Variants in ARHGAP44 observed in about 807,000 individuals in gnomAD.
ARHGAP44 encodes rho GTPase-activating protein 44.
A neutral mutation model predicts 106.8 loss-of-function variants in ARHGAP44; 43 were observed. That is an observed-to-expected ratio of 0.40 (90% CI 0.32 to 0.52). ARHGAP44 has a LOEUF of 0.52. Ranked by LOEUF, ARHGAP44 falls within the 20% of genes least tolerant of loss-of-function variation. The pLI, the probability that ARHGAP44 is intolerant of heterozygous loss-of-function variation, is 0.48. For synonymous variants in ARHGAP44, 439 were observed against 410.3 expected, an observed-to-expected ratio of 1.07 and a Z score of -0.85; for missense variants, 866 against 1,050.5, an observed-to-expected ratio of 0.82 and a Z score of 2.43.
intron 1 of ARHGAP44, among the ~76,000 whole-genome samples, chr17:12,816,528 A>T (rs2034601946): frequency 6.6e-6 from 1 of 152,220 alleles, no homozygotes; most frequent in Admixed American, 6.5e-5. Flanking sequence ...TTGTTTATGT[A>T]AACTAAAAAA....
At chr17:12,953,725 A>G (rs2039056039) in intron 13 of ARHGAP44, among the ~76,000 whole-genome samples, 1 of 152,210 alleles carries the variant, frequency 6.6e-6, no homozygotes, top group Non-Finnish European at 1.5e-5. Flanking sequence ...ACGTTATGCT[A>G]TGTGAAAGAA....
intron 1 of ARHGAP44, among the ~76,000 whole-genome samples, chr17:12,842,887 C>T (rs1173097811): frequency 6.6e-6 from 1 of 152,164 alleles, no homozygotes; most frequent in African/African-American, 2.4e-5. Context: ...GGGTAACACA[C>T]ATCATCCCTC....
intron 7 of ARHGAP44, 50 bp downstream of exon 7, chr17:12,929,096 A>T (rs766508365): frequency 6.6e-7 from 1 of 1,518,564 alleles, no homozygotes; most frequent in Non-Finnish European, 9.0e-7. Flanking sequence ...GGGAGCCCTC[A>T]GGGATTCCCT....
At chr17:12,953,621 T>C (rs896229134) in intron 13 of ARHGAP44, among the ~76,000 whole-genome samples, 1 of 152,234 alleles carries the variant, frequency 6.6e-6, no homozygotes, top group Non-Finnish European at 1.5e-5. Context: ...AAAAGCCAAA[T>C]GTCCGTCTAC....
chr17:12,812,193 AAACACAC>A (rs2034459638), intron 1 of ARHGAP44, among the ~76,000 whole-genome samples: 2 of 152,208 alleles, frequency 1.3e-5, no homozygotes, highest in Non-Finnish European at 2.9e-5. Flanking sequence ...TAAGATTTAT[AAACACAC>A]TGCTGATATT....
intron 1 of ARHGAP44, among the ~76,000 whole-genome samples, chr17:12,894,474 T>A (rs527421173): frequency 6.6e-6 from 1 of 152,314 alleles, no homozygotes; most frequent in African/African-American, 2.4e-5. Flanking sequence ...AGCCCTCCAC[T>A]TTCTTGTGGA....
intron 1 of ARHGAP44, among the ~76,000 whole-genome samples, chr17:12,803,889 TTACGGCTCTAAGA>T: frequency 6.6e-6 from 1 of 150,824 alleles, no homozygotes; most frequent in Non-Finnish European, 1.5e-5. Context: ...ATATTTGTAT[TTACGGCTCTAAGA>T]AGTTCTGCAG....
chr17:12,850,898 A>T (rs1157749826), intron 1 of ARHGAP44, among the ~76,000 whole-genome samples: 2 of 152,226 alleles, frequency 1.3e-5, no homozygotes, highest in African/African-American at 2.4e-5. Flanking sequence ...ACTGAGTGTC[A>T]TGCATATAAC....
At chr17:12,836,417 G>A (rs1043123874) in intron 1 of ARHGAP44, among the ~76,000 whole-genome samples, 1 of 152,090 alleles carries the variant, frequency 6.6e-6, no homozygotes, top group African/African-American at 2.4e-5. Flanking sequence ...GGAGGCTGAG[G>A]CGGGCGGATC....
chr17:12,898,116 G>A (rs1375136199), intron 3 of ARHGAP44, among the ~76,000 whole-genome samples: 3 of 152,158 alleles, frequency 2.0e-5, no homozygotes, highest in African/African-American at 7.2e-5. Flanking sequence ...AAGCTCTAGG[G>A]TTGGTCAGGA....
intron 10 of ARHGAP44, among the ~76,000 whole-genome samples, chr17:12,944,940 C>G (rs1184492993): frequency 6.6e-6 from 1 of 151,930 alleles, no homozygotes; most frequent in African/African-American, 2.4e-5. Context: ...TATAGAGATC[C>G]TGAAAATATG....
chr17:12,968,742 ATTTCTT>A (rs1008740550), intron 16 of ARHGAP44, among the ~76,000 whole-genome samples: 23 of 146,066 alleles, frequency 1.6e-4, no homozygotes, highest in African/African-American at 3.0e-4. Context: ...TCCCTGTTCT[ATTTCTT>A]TTTCTTTTTC....
At chr17:12,947,830 C>T in intron 10 of ARHGAP44, among the ~76,000 whole-genome samples, 1 of 152,192 alleles carries the variant, frequency 6.6e-6, no homozygotes, top group East Asian at 1.9e-4. Flanking sequence ...CTTACTGATA[C>T]ACTCATCCAA....
chr17:12,949,355 C>A lies in ARHGAP44; in HGVS notation c.973+104C>A. On this transcript the variant is annotated intron_variant, in intron 11 of 20. Coordinates refer to ENST00000379672, the MANE Select transcript of ARHGAP44 (RefSeq NM_014859.6). The surrounding 1 kb of genome is among the most constrained non-coding windows in gnomAD (Gnocchi z 4.1). ...CCAGGACACTCAAGTCAGTGGCTGC[C>A]CAAAGCACTTCAGATGTGTCCACTC... is the stretch of plus-strand genomic sequence containing the variant. 8.0e-7 allele frequency: 1 copy of A among 1,253,592 alleles called. No homozygotes were observed. Among genetic ancestry groups the A allele is most frequent in the Non-Finnish European group, 1.1e-6 (1 of 896,526 alleles). The allele number at this position is 1,253,592 out of a possible 1,614,324, so 77.7% of individuals were successfully genotyped here.
At chr17:12,907,917 C>T (rs1448965258) in intron 3 of ARHGAP44, among the ~76,000 whole-genome samples, 1 of 152,156 alleles carries the variant, frequency 6.6e-6, no homozygotes, top group East Asian at 1.9e-4. Flanking sequence ...CCAGTTTAAA[C>T]ATCTACTAGT....
intron 1 of ARHGAP44, among the ~76,000 whole-genome samples, chr17:12,804,936 C>T (rs1339594201): frequency 6.6e-6 from 1 of 152,162 alleles, no homozygotes; most frequent in Non-Finnish European, 1.5e-5. Flanking sequence ...TAGCTTCCTC[C>T]ATCATTCTTG....
chr17:12,830,125 G>T (rs1405432732), intron 1 of ARHGAP44, among the ~76,000 whole-genome samples: 1 of 152,172 alleles, frequency 6.6e-6, no homozygotes. Flanking sequence ...ATTGCAAGGG[G>T]ATTGAAGCCT....
intron 10 of ARHGAP44, among the ~76,000 whole-genome samples, chr17:12,947,520 AG>A (rs2038885642): frequency 6.6e-6 from 1 of 152,090 alleles, no homozygotes; most frequent in Non-Finnish European, 1.5e-5. Context: ...CCCTGTGAAA[AG>A]GCTTCACTCG....
intron 1 of ARHGAP44, among the ~76,000 whole-genome samples, chr17:12,800,974 T>A (rs2034074702): frequency 6.6e-6 from 1 of 152,204 alleles, no homozygotes; most frequent in Non-Finnish European, 1.5e-5. Flanking sequence ...GATAATTGAG[T>A]GTCTTGTATG....
Sources: gnomAD v4.1 joint callset for allele counts (sites outside exome capture counted in the v4.1 genomes callset) on GRCh38, gnomAD v4.1.1 for gene constraint, Gnocchi (gnomAD v3.1) non-coding constraint, MANE v1.5 for transcripts, NCBI Gene and HGNC (gene_info 2026-07-23, HGNC 2026-07-21) for gene names.